LYZL4: variants seen among roughly 807,000 people sequenced by gnomAD.
The protein encoded by LYZL4 is lysozyme like 4, also known as lysozyme-like protein 4.
In LYZL4, 13 loss-of-function variants were observed where a neutral mutation model predicts 17.6. The ratio of observed to expected loss-of-function variants is 0.74; its 90% CI spans 0.48 to 1.18. LYZL4 has a LOEUF of 1.18. Among genes scored for constraint, LYZL4 ranks in the 50% most tolerant of loss-of-function variants. The pLI is 0.00. For synonymous variants in LYZL4, 64 were observed against 67.7 expected, an observed-to-expected ratio of 0.95 and a Z score of 0.27; for missense variants, 174 against 188.2, an observed-to-expected ratio of 0.92 and a Z score of 0.44.
At chr3:42,395,372 G>A (rs113699644), downstream of LYZL4, among the ~76,000 whole-genome samples, 674 of 152,226 alleles carry the variant, frequency 4.4e-3, 1 homozygote, top group African/African-American at 0.015. Flanking sequence ...AAGCTGTGCC[G>A]TTGTTAAAAA....
At chr3:42,387,540 G>A in the LYZL4 span, among the ~76,000 whole-genome samples, 60 of 152,204 alleles carry the variant, frequency 3.9e-4, no homozygotes, top group Non-Finnish European at 6.3e-4. Context: ...CACACCTGCC[G>A]TCCCTTGGTG....
At chr3:42,386,395 G>GCCCCCCCCCCC in the LYZL4 span, among the ~76,000 whole-genome samples, 16 of 107,460 alleles carry the variant, frequency 1.5e-4, no homozygotes, top group South Asian at 3.3e-4. Context: ...GAGCCACCAC[G>GCCCCCCCCCCC]CCCCCCCCCC....
the LYZL4 span, among the ~76,000 whole-genome samples, chr3:42,381,721 C>A: frequency 6.6e-6 from 1 of 152,144 alleles, no homozygotes; most frequent in Non-Finnish European, 1.5e-5. Flanking sequence ...TTTGCTAGGC[C>A]CCGTTTCACT....
the LYZL4 span, among the ~76,000 whole-genome samples, chr3:42,391,989 C>T: frequency 1.3e-5 from 2 of 152,128 alleles, no homozygotes; most frequent in Non-Finnish European, 2.9e-5. Flanking sequence ...CCACCTCAGC[C>T]TCCCAAGTAG....
At chr3:42,391,916 C>T in the LYZL4 span, among the ~76,000 whole-genome samples, 4 of 151,808 alleles carry the variant, frequency 2.6e-5, no homozygotes. Context: ...ACTCTGTCAC[C>T]CAGGCTAGAG....
chr3:42,363,102 A>T, the LYZL4 span, among the ~76,000 whole-genome samples: 1 of 152,228 alleles, frequency 6.6e-6, no homozygotes, highest in South Asian at 2.1e-4. Context: ...AGAATGTGAG[A>T]CATTCTATAA....
the LYZL4 span, among the ~76,000 whole-genome samples, chr3:42,390,114 G>T: frequency 6.6e-6 from 1 of 152,218 alleles, no homozygotes; most frequent in South Asian, 2.1e-4. Context: ...GGTAGCTAAT[G>T]ATTTGGCTGG....
chr3:42,361,839 C>G, the LYZL4 span, among the ~76,000 whole-genome samples: 2 of 152,218 alleles, frequency 1.3e-5, no homozygotes, highest in African/African-American at 4.8e-5. Flanking sequence ...CCCACAAATA[C>G]ACGACCTCTC....
the LYZL4 span, among the ~76,000 whole-genome samples, chr3:42,374,450 C>A: frequency 2.0e-5 from 3 of 152,158 alleles, no homozygotes; most frequent in African/African-American, 7.2e-5. Context: ...GAATTTTCAT[C>A]CCCCACAGCA....
At chr3:42,394,565 G>C (rs142867648), downstream of LYZL4, among the ~76,000 whole-genome samples, 1 of 152,196 alleles carries the variant, frequency 6.6e-6, no homozygotes, top group Non-Finnish European at 1.5e-5. Context: ...TAATATGATA[G>C]CTGCTGGTAA....
chr3:42,396,433 A>G (rs1698550157), downstream of LYZL4, among the ~76,000 whole-genome samples: 1 of 152,218 alleles, frequency 6.6e-6, no homozygotes, highest in Admixed American at 6.5e-5. Context: ...GTAAGCCACT[A>G]AGCTTTTAAA....
chr3:42,377,548 T>C, the LYZL4 span, among the ~76,000 whole-genome samples: 1 of 152,020 alleles, frequency 6.6e-6, no homozygotes, highest in Non-Finnish European at 1.5e-5. Flanking sequence ...CATCTAGGTT[T>C]GTGTAAAGGC....
the LYZL4 span, among the ~76,000 whole-genome samples, chr3:42,369,901 A>G: frequency 6.6e-6 from 1 of 152,068 alleles, no homozygotes; most frequent in Non-Finnish European, 1.5e-5. Context: ...AGGAATATGT[A>G]CTGGGCGTGG....
chr3:42,397,837 C>T (rs534335432), intron 4 of LYZL4, among the ~76,000 whole-genome samples: 4 of 152,188 alleles, frequency 2.6e-5, no homozygotes, highest in Non-Finnish European at 5.9e-5. Flanking sequence ...TTTAGCCCCA[C>T]CTAAGTCAGC....
chr3:42,395,084 T>G (rs1318660681), downstream of LYZL4, among the ~76,000 whole-genome samples: 1 of 152,218 alleles, frequency 6.6e-6, no homozygotes, highest in Admixed American at 6.5e-5. Flanking sequence ...TAGAATACCC[T>G]CTTCTCTAGA....
the LYZL4 span, among the ~76,000 whole-genome samples, chr3:42,373,504 A>G: frequency 2.0e-5 from 3 of 152,174 alleles, no homozygotes; most frequent in Non-Finnish European, 4.4e-5. Context: ...CCCAGCTCTT[A>G]GTACAAGCTG....
At chr3:42,387,871 G>C in the LYZL4 span, among the ~76,000 whole-genome samples, 7 of 152,062 alleles carry the variant, frequency 4.6e-5, no homozygotes, top group East Asian at 1.9e-4. Flanking sequence ...TGTCTAAAGG[G>C]GGAAGCCTCT....
the LYZL4 span, among the ~76,000 whole-genome samples, chr3:42,382,995 T>C: frequency 6.6e-6 from 1 of 152,076 alleles, no homozygotes; most frequent in Non-Finnish European, 1.5e-5. Context: ...TGGCTCAAAG[T>C]CTGCCTAAGA....
chr3:42,362,762 G>A, the LYZL4 span, among the ~76,000 whole-genome samples: 1 of 152,166 alleles, frequency 6.6e-6, no homozygotes, highest in African/African-American at 2.4e-5. Flanking sequence ...TCAGGCCATA[G>A]CAGATAATGA....
Sources: gnomAD v4.1 joint callset for allele counts (sites outside exome capture counted in the v4.1 genomes callset) on GRCh38, gnomAD v4.1.1 for gene constraint, MANE v1.5 for transcripts, NCBI Gene and HGNC (gene_info 2026-07-23, HGNC 2026-07-21) for gene names.